Variants in CLMP observed in about 807,000 individuals in gnomAD.
CLMP encodes the protein CXADR-like membrane protein.
CLMP carries 27 observed loss-of-function variants against 45.2 expected under a neutral mutation model. The observed-to-expected ratio is 0.60, with a 90% CI of 0.44 to 0.82. The LOEUF is 0.82. Ranked by LOEUF, CLMP falls within the 40% of genes least tolerant of loss-of-function variation. CLMP has a pLI of 0.00. For synonymous variants in CLMP, 167 were observed against 171.4 expected, an observed-to-expected ratio of 0.97 and a Z score of 0.20; for missense variants, 403 against 448.4, an observed-to-expected ratio of 0.90 and a Z score of 0.91.
Position 123,188,389 on chromosome 11 carries a change from C to T in CLMP, c.28+6524G>A, listed in dbSNP as rs1861860697. Reference sequence around the variant, plus strand: ...GTCAGCTTAGCTTGGCTTTTTCATCCCCTACAGTCTCTGTGCCTTCCTCCT... The same window carrying T: ...GTCAGCTTAGCTTGGCTTTTTCATCTCCTACAGTCTCTGTGCCTTCCTCCT... On this transcript the variant is annotated intron_variant, in intron 1 of 6. Coordinates refer to ENST00000448775, the MANE Select transcript of CLMP (RefSeq NM_024769.5). Among the ~76,000 whole-genome samples the T allele has an allele frequency of 2.0e-5, 3 of 151,982 alleles. No homozygotes were observed. The South Asian group carries it at 6.3e-4, about 32-fold the overall frequency.
chr11:123,166,773 A>G (rs6589970), intron 1 of CLMP, among the ~76,000 whole-genome samples: 81,450 of 151,966 alleles, frequency 0.54, 22,142 homozygotes, highest in East Asian at 0.74. Flanking sequence ...TAGTTAGAAG[A>G]GAGGATTTTG....
intron 2 of CLMP, among the ~76,000 whole-genome samples, chr11:123,092,180 T>G (rs1398254031): frequency 6.6e-6 from 1 of 152,134 alleles, no homozygotes; most frequent in Admixed American, 6.6e-5. Flanking sequence ...ACCTGTGGTG[T>G]TTGGGGCATA....
At chr11:123,153,649 G>A (rs1001559864) in intron 1 of CLMP, among the ~76,000 whole-genome samples, 3 of 151,990 alleles carry the variant, frequency 2.0e-5, no homozygotes, top group African/African-American at 7.2e-5. Flanking sequence ...TCCATTGCAC[G>A]GCCGGAGGGA....
intron 1 of CLMP, among the ~76,000 whole-genome samples, chr11:123,118,999 T>TTCTCTC (rs1248549147): frequency 7.1e-5 from 1 of 14,152 alleles, no homozygotes; most frequent in African/African-American, 3.1e-4. Flanking sequence ...CTTTCTTTCT[T>TTCTCTC]TCTCTCTCTC....
rs146598364 is a variant in CLMP at position 123,080,250 on chromosome 11, C to T, written c.679+2835G>A. ...CTTTTGCAGATGCAACATACCATCA[C>T]TTCTGCTGTATTATACTCATCAGAA... On this transcript the variant is annotated intron_variant, in intron 5 of 6. Transcript: ENST00000448775. Among the ~76,000 whole-genome samples the T allele has an allele frequency of 1.3e-3, 204 of 152,166 alleles. 1 individual carries two copies. The highest frequency in any genetic ancestry group is 2.2e-3 in the Non-Finnish European group (150 of 68,004).
intron 1 of CLMP, among the ~76,000 whole-genome samples, chr11:123,168,629 G>T (rs914506807): frequency 6.6e-6 from 1 of 151,996 alleles, no homozygotes; most frequent in Non-Finnish European, 1.5e-5. Context: ...TCCTTTTCTT[G>T]TCAAAAGCCA....
intron 1 of CLMP, among the ~76,000 whole-genome samples, chr11:123,157,280 C>T (rs1861427191): frequency 6.6e-6 from 1 of 152,102 alleles, no homozygotes; most frequent in Non-Finnish European, 1.5e-5. Flanking sequence ...GAGGGCGTGG[C>T]GTGGTGGCTT....
At chr11:123,138,177 A>C (rs1337527159) in intron 1 of CLMP, among the ~76,000 whole-genome samples, 2 of 152,112 alleles carry the variant, frequency 1.3e-5, no homozygotes, top group Non-Finnish European at 2.9e-5. Context: ...AATTCATTAA[A>C]CTAGTATAAG....
chr11:123,136,281 C>T, intron 1 of CLMP: 1 of 648,918 alleles, frequency 1.5e-6, no homozygotes, highest in South Asian at 1.4e-5. Context: ...TGGCCAAACA[C>T]TGGATTCCAC....
At chr11:123,108,906 A>C (rs1288420807) in intron 1 of CLMP, among the ~76,000 whole-genome samples, 2 of 151,974 alleles carry the variant, frequency 1.3e-5, no homozygotes, top group Non-Finnish European at 2.9e-5. Flanking sequence ...CTAAAAATAC[A>C]AAATTAGCAG....
At chr11:123,102,176 C>G (rs1860453522) in intron 1 of CLMP, among the ~76,000 whole-genome samples, 1 of 151,104 alleles carries the variant, frequency 6.6e-6, no homozygotes. Context: ...AGAGTAAGAC[C>G]CTGTCTCTAA....
At chr11:123,190,001 C>CAAAAAAA (rs10594946) in intron 1 of CLMP, among the ~76,000 whole-genome samples, 3 of 129,524 alleles carry the variant, frequency 2.3e-5, no homozygotes, top group African/African-American at 3.1e-5. Flanking sequence ...GACTCTGTCT[C>CAAAAAAA]AAAAAAAAAA....
intron 1 of CLMP, among the ~76,000 whole-genome samples, chr11:123,113,008 T>G (rs984674445): frequency 5.9e-5 from 9 of 151,730 alleles, no homozygotes. Flanking sequence ...CTCCTGACCT[T>G]GTGATCTGCC....
intron 1 of CLMP, among the ~76,000 whole-genome samples, chr11:123,118,949 CTTTCTTTCT>C (rs1860757690): frequency 2.7e-4 from 6 of 22,358 alleles, no homozygotes; most frequent in African/African-American, 8.5e-4. Context: ...TTCTTTCTTT[CTTTCTTTCT>C]TTCTTTCTTT....
At chr11:123,096,576 C>A (rs1292780818) in intron 2 of CLMP, among the ~76,000 whole-genome samples, 2 of 152,052 alleles carry the variant, frequency 1.3e-5, no homozygotes, top group Non-Finnish European at 2.9e-5. Flanking sequence ...AGTGACCTCG[C>A]TCTACAGAGA....
At chr11:123,101,367 A>G (rs527581033) in intron 1 of CLMP, among the ~76,000 whole-genome samples, 24 of 152,308 alleles carry the variant, frequency 1.6e-4, no homozygotes, top group African/African-American at 5.5e-4. Context: ...TCGGCCTCCC[A>G]AAGTGCTGGG....
intron 1 of CLMP, among the ~76,000 whole-genome samples, chr11:123,173,775 A>G (rs1205623805): frequency 5.9e-5 from 9 of 152,122 alleles, no homozygotes; most frequent in Non-Finnish European, 1.3e-4. Flanking sequence ...CTCCTTCACC[A>G]CATCAAAAAA....
At chr11:123,109,730 G>A (rs544491152) in intron 1 of CLMP, among the ~76,000 whole-genome samples, 288 of 152,290 alleles carry the variant, frequency 1.9e-3, no homozygotes, top group South Asian at 8.5e-3. Flanking sequence ...AGGACATGGG[G>A]AACCAAGAGA....
chr11:123,117,576 G>T (rs1565387190), intron 1 of CLMP, among the ~76,000 whole-genome samples: 1 of 151,728 alleles, frequency 6.6e-6, no homozygotes. Context: ...ACAGGCACTC[G>T]CCACCATGCC....
Sources: allele counts gnomAD v4.1 joint callset (sites outside exome capture counted in the v4.1 genomes callset), GRCh38; gene constraint gnomAD v4.1.1; transcripts MANE v1.5; gene names NCBI Gene and HGNC (gene_info 2026-07-23, HGNC 2026-07-21).